The following SLC5A10 variants were observed in gnomAD, a reference collection of about 807,000 sequenced individuals.
The protein encoded by SLC5A10 is sodium/mannose cotransporter SLC5A10.
A neutral mutation model predicts 68.9 loss-of-function variants in SLC5A10; 55 were observed. The observed-to-expected ratio is 0.80, with a 90% confidence interval of 0.64 to 1.00. The LOEUF is 1.00. SLC5A10 is among the 50% of genes least tolerant of loss of function. The pLI, the probability that SLC5A10 is intolerant of heterozygous loss-of-function variation, is 0.00. For synonymous variants in SLC5A10, 344 were observed against 344.8 expected, an observed-to-expected ratio of 1.00 and a Z score of 0.02; for missense variants, 732 against 819.3, an observed-to-expected ratio of 0.89 and a Z score of 1.30.
rs776940039 is a variant in SLC5A10, at chr17:18,958,734, G to A, written c.164G>A (p.Arg55Gln). ...GTGAATGGCTACTTCCTGGCAGGCC[G>A]GGACATGACGTGGTGGCCGGTGAGT... ...NTVNGYFLAG[R>Q]DMTWWPIGAS... is the part of the protein sequence containing the mutation. Residue 55 changes from arginine to glutamine, a missense_variant, in exon 2 of 15, where the codon CGG becomes CAG. Arg to Gln is a conservative substitution (Grantham distance 43, BLOSUM62 1). Coordinates refer to ENST00000395645, the MANE Select transcript of SLC5A10 (RefSeq NM_001042450.4). The A allele has an allele frequency of 2.0e-5, 33 of 1,614,066 alleles. No individual in the cohort carries two copies. The highest frequency in any genetic ancestry group is 1.7e-4 in the Admixed American group (10 of 60,014).
rs2044280405 is a variant in SLC5A10, at chr17:19,022,514, C to G, written c.*2083C>G. ...GCAGCAGCCATGGTAGCTTTTGACT[C>G]CAGGCCACAAAGCCATGAGAATGGG... On this transcript the variant is annotated 3_prime_UTR_variant, in exon 15 of 15. Coordinates refer to ENST00000395645, the MANE Select transcript of SLC5A10 (RefSeq NM_001042450.4). 4.5e-6 allele frequency: 1 copy of G among 220,814 alleles called. No individual in the cohort carries two copies. Among genetic ancestry groups the G allele is most frequent in the Non-Finnish European group, 8.8e-6 (1 of 113,254 alleles). The allele number at this position is 220,814 out of a possible 1,614,324, so 13.7% of individuals were successfully genotyped here.
intron 11 of SLC5A10, 29 bp downstream of exon 11, chr17:19,015,228 G>T (rs2044115196): frequency 7.8e-7 from 1 of 1,283,588 alleles, no homozygotes; most frequent in South Asian, 1.3e-5. Flanking sequence ...GTACGGGGGT[G>T]GGGGAACACT....
At chr17:19,007,143 A>G (rs983126421) in intron 9 of SLC5A10, among the ~76,000 whole-genome samples, 1 of 151,618 alleles carries the variant, frequency 6.6e-6, no homozygotes, top group Non-Finnish European at 1.5e-5. Flanking sequence ...CCAACAATGT[A>G]TGAGTGATCC....
intron 9 of SLC5A10, among the ~76,000 whole-genome samples, chr17:19,012,595 C>T (rs888996648): frequency 3.9e-5 from 6 of 152,174 alleles, no homozygotes; most frequent in Non-Finnish European, 5.9e-5. Context: ...GAAGGACAGA[C>T]CGGAATTCGG....
chr17:19,004,589 A>C lies in SLC5A10; in HGVS notation c.983-8821A>C, dbSNP rs919784086. 8.6e-5 allele frequency: 13 copies of C among 151,586 alleles called. No individual in the cohort carries two copies. The highest frequency in any genetic ancestry group is 3.2e-4 in the African/African-American group (13 of 41,236). The allele number at this position is 151,586 out of a possible 1,614,324, so 9.4% of individuals were successfully genotyped here. A position where few individuals can be genotyped will look rare whatever the true frequency, so the allele number is the denominator to read the frequency against. On this transcript the variant is annotated intron_variant, in intron 9 of 14. Transcript: ENST00000395645. This position sits in a 1 kb window ranked among gnomAD's most constrained non-coding sequence, Gnocchi z 5.4. ...AATTTCCGGGTGCCGGCAACCCAGG[A>C]GGCCTGCCCGGAGGAGGCTGGGGCT...
chr17:18,953,841 A>T (rs1310894647), intron 1 of SLC5A10: 1 of 152,648 alleles, frequency 6.6e-6, no homozygotes, highest in Non-Finnish European at 1.5e-5. Context: ...ACTGGCAGGT[A>T]TTCTGTAAGT....
intron 8 of SLC5A10, among the ~76,000 whole-genome samples, chr17:18,972,360 C>T (rs1042651346): frequency 1.3e-5 from 2 of 152,332 alleles, no homozygotes; most frequent in East Asian, 1.9e-4. Context: ...ACGATCACAG[C>T]GCTCACACAA....
intron 5 of SLC5A10, among the ~76,000 whole-genome samples, chr17:18,966,892 AG>A (rs1035061811): frequency 6.6e-6 from 1 of 151,968 alleles, no homozygotes; most frequent in Non-Finnish European, 1.5e-5. Flanking sequence ...GGGTGCCGGC[AG>A]GGTGGAGGGG....
chr17:18,960,767 A>C, intron 5 of SLC5A10, 115 bp downstream of exon 5: 1 of 1,050,090 alleles, frequency 9.5e-7, no homozygotes, highest in Non-Finnish European at 1.4e-6. Context: ...CAGCTGGGCA[A>C]ATTGAGGCCC....
At chr17:18,981,689 C>T (rs1306769910) in intron 9 of SLC5A10, among the ~76,000 whole-genome samples, 1 of 152,186 alleles carries the variant, frequency 6.6e-6, no homozygotes, top group Non-Finnish European at 1.5e-5. Flanking sequence ...TGATGCCCAC[C>T]TGTGGGATAA....
At position 18,959,590 on chromosome 17, in the gene SLC5A10, C is replaced by T; in HGVS notation, c.289-14C>T. 2 of 1,613,534 alleles carry T rather than the reference C, an allele frequency of 1.2e-6. No homozygotes were observed. Among genetic ancestry groups the T allele is most frequent in the Non-Finnish European group, 1.7e-6 (2 of 1,179,888 alleles). On this transcript the variant is annotated splice_polypyrimidine_tract_variant and intron_variant, in intron 3 of 14. Transcript: ENST00000395645. ...AGCTGCACCTGCAGTCCTCACCTGTCTCTGTCCCCATAGGCCACGTACGTG... is the reference window on the plus strand; with the variant it reads ...AGCTGCACCTGCAGTCCTCACCTGTTTCTGTCCCCATAGGCCACGTACGTG...
In SLC5A10 at chr17:18,959,196, C is replaced by T; in HGVS notation, c.245C>T (p.Ser82Leu). 6.2e-7 allele frequency: 1 copy of T among 1,613,396 alleles called. No individual in the cohort carries two copies. Among genetic ancestry groups the T allele is most frequent in the South Asian group, 1.1e-5 (1 of 91,068 alleles). The change falls in exon 3 of 15, where the codon TCA becomes TTA. Residue 82 changes from serine (S) to leucine (L), a missense_variant. Transcript: ENST00000395645. ...GGCCTCTTCATTGGACTGGCGGGCT[C>T]AGGCGCGGCAGGAGGTCTGGCCGTG... The part of the protein sequence containing the change: ...GSGLFIGLAG[S>L]GAAGGLAVAG...
intron 9 of SLC5A10, among the ~76,000 whole-genome samples, chr17:18,992,108 A>T (rs2043441214): frequency 6.6e-6 from 1 of 152,086 alleles, no homozygotes; most frequent in South Asian, 2.1e-4. Flanking sequence ...CACCTCCGGC[A>T]TGTCTGTCCA....
intron 9 of SLC5A10, among the ~76,000 whole-genome samples, chr17:18,980,466 C>T (rs941589284): frequency 3.3e-5 from 5 of 152,142 alleles, no homozygotes; most frequent in African/African-American, 1.2e-4. Flanking sequence ...CCCTCAACTG[C>T]CTCAGCTCCA....
chr17:18,964,119 G>A lies in SLC5A10; in HGVS notation c.453+3467G>A, dbSNP rs138758080. On this transcript the variant is annotated intron_variant, in intron 5 of 14. Transcript: ENST00000395645. The stretch of plus-strand genomic sequence containing the variant: ...TCTCTCCATCTTCACCCCCATCCCC[G>A]CAGGCCAGCCCCCTTCCTCTCTCTA... Among the ~76,000 whole-genome samples, 271 of 151,898 alleles carry A rather than the reference G, an allele frequency of 1.8e-3. 8 individuals carry two copies. In the East Asian group the frequency reaches 0.032, roughly 18 times the overall value.
At chr17:18,969,269 C>T (rs1482492478) in intron 6 of SLC5A10, 73 bp from the exon 7 acceptor site, 1 of 1,581,560 alleles carries the variant, frequency 6.3e-7, no homozygotes, top group Non-Finnish European at 8.6e-7. Context: ...CAGCAGGAGC[C>T]CCAGAAGTTC....
chr17:18,969,524 T>G (rs1567783684), intron 7 of SLC5A10, 102 bp downstream of exon 7: 1 of 1,145,020 alleles, frequency 8.7e-7, no homozygotes. Flanking sequence ...GTTGGGGTTC[T>G]GGGTAGCATC....
Position 18,960,579 on chromosome 17 carries a change from G to A in SLC5A10, c.380G>A (p.Arg127His), listed in dbSNP as rs773817698. ...ACCTTACCTGAGTACATTCAGAAGC[G>A]CTACGGGGGCCAGCGGATCCGCATG... is the stretch of plus-strand genomic sequence containing the variant. ...IVTLPEYIQK[R>H]YGGQRIRMYL... is the part of the protein sequence containing the mutation. The change falls in exon 5 of 15, where the codon CGC becomes CAC. Residue 127 changes from arginine to histidine, a missense_variant. Coordinates refer to ENST00000395645, the MANE Select transcript of SLC5A10 (RefSeq NM_001042450.4). 3.7e-6 allele frequency: 6 copies of A among 1,614,124 alleles called. No homozygotes were observed. The highest frequency in any genetic ancestry group is 3.3e-5 in the South Asian group (3 of 91,084).
At chr17:19,011,744 G>A (rs965986461) in intron 9 of SLC5A10, among the ~76,000 whole-genome samples, 5 of 151,862 alleles carry the variant, frequency 3.3e-5, no homozygotes, top group Non-Finnish European at 7.4e-5. Context: ...AGCTCAAACA[G>A]GCTGGGCTGG....
Sources: gnomAD v4.1 joint callset for allele counts (sites outside exome capture counted in the v4.1 genomes callset) on GRCh38, gnomAD v4.1.1 for gene constraint, Gnocchi (gnomAD v3.1) non-coding constraint, MANE v1.5 for transcripts, NCBI Gene and HGNC (gene_info 2026-07-23, HGNC 2026-07-21) for gene names.